CDC42BPA: variants seen among roughly 807,000 people sequenced by gnomAD.
The protein encoded by CDC42BPA is CDC42 binding protein kinase alpha.
In CDC42BPA, 80 loss-of-function variants were observed where a neutral mutation model predicts 223.5. That is an observed-to-expected ratio of 0.36 (90% CI 0.30 to 0.43). The LOEUF (loss-of-function observed/expected upper bound fraction) is 0.43, where lower values mean the gene tolerates loss of function less well. CDC42BPA is among the 20% of genes least tolerant of loss of function. The probability of loss-of-function intolerance (pLI) is 1.00; values close to 1 mark genes in which losing one functional copy is unlikely to be tolerated. For synonymous variants in CDC42BPA, 694 were observed against 718.6 expected, an observed-to-expected ratio of 0.97 and a Z score of 0.55; for missense variants, 1,743 against 2,099.9, an observed-to-expected ratio of 0.83 and a Z score of 3.32.
At position 227,023,362 on chromosome 1, in the gene CDC42BPA, A is replaced by C. The variant is rs1304367525; in HGVS notation, c.4531-15T>G. On this transcript the variant is annotated splice_polypyrimidine_tract_variant and intron_variant, in intron 31 of 36. Coordinates refer to ENST00000366766, the MANE Select transcript of CDC42BPA (RefSeq NM_001394014.1). The stretch of plus-strand genomic sequence containing the variant: ...AAGGGTCGAACCTAAAATAAAAGAC[A>C]AAATTAGTATTTCAACAAAACCTTT... 3 of 1,365,770 alleles carry C rather than the reference A, an allele frequency of 2.2e-6. No individual in the cohort carries two copies. The highest frequency in any genetic ancestry group is 1.5e-5 in the African/African-American group (1 of 67,968). 84.6% of individuals were successfully genotyped at this position (1,365,770 alleles called of 1,614,324 possible).
intron 5 of CDC42BPA, among the ~76,000 whole-genome samples, chr1:227,186,136 G>T (rs894821062): frequency 5.3e-5 from 8 of 152,142 alleles, no homozygotes. Context: ...ATTGCTGGAG[G>T]TTCAGTGTGG....
At chr1:227,069,887 A>C in intron 20 of CDC42BPA, 34 bp from the exon 21 acceptor site, 1 of 1,445,082 alleles carries the variant, frequency 6.9e-7, no homozygotes, top group Non-Finnish European at 9.7e-7. Context: ...TTAAGGCTAC[A>C]ACAATTAAAA....
At position 227,074,909 on chromosome 1, in the gene CDC42BPA, C is replaced by G. The variant is rs536402608; in HGVS notation, c.2481-545G>C. ...ATTAAAGTCTACCAAAACCTAATTT[C>G]TACTTACTGTCTTAAGGCTATCTAG... On this transcript the variant is annotated intron_variant, in intron 17 of 36. Transcript: ENST00000366766. 2.6e-5 allele frequency among the ~76,000 whole-genome samples: 4 copies of G among 152,286 alleles called. No homozygotes were observed. The East Asian group carries it at 7.7e-4, about 29-fold the overall frequency.
intron 21 of CDC42BPA, among the ~76,000 whole-genome samples, chr1:227,068,200 T>C (rs1375303513): frequency 2.0e-5 from 3 of 151,768 alleles, no homozygotes; most frequent in Admixed American, 6.6e-5. Context: ...TGTCATACAA[T>C]AAAACCTACT....
At chr1:227,246,656 CTG>C (rs1681023471) in intron 2 of CDC42BPA, among the ~76,000 whole-genome samples, 1 of 152,156 alleles carries the variant, frequency 6.6e-6, no homozygotes, top group Non-Finnish European at 1.5e-5. Flanking sequence ...GCAAAAACCA[CTG>C]TGTTATTGGC....
At chr1:227,148,772 C>CAAAAA (rs57635319) in intron 6 of CDC42BPA, among the ~76,000 whole-genome samples, 1 of 78,784 alleles carries the variant, frequency 1.3e-5, no homozygotes, top group African/African-American at 5.6e-5. Flanking sequence ...GTCTCAAAAG[C>CAAAAA]AAAAAAAAAA....
chr1:227,244,185 C>T (rs948585849), intron 2 of CDC42BPA, among the ~76,000 whole-genome samples: 8 of 152,210 alleles, frequency 5.3e-5, no homozygotes, highest in Admixed American at 6.5e-5. Flanking sequence ...GTATCAAACA[C>T]AAATAAGTGC....
At chr1:227,294,397 G>C (rs1361173530) in intron 1 of CDC42BPA, among the ~76,000 whole-genome samples, 1 of 151,980 alleles carries the variant, frequency 6.6e-6, no homozygotes, top group Non-Finnish European at 1.5e-5. Context: ...AAGATCACAC[G>C]ATATTAATAA....
chr1:227,004,901 G>GT, intron 35 of CDC42BPA, 93 bp downstream of exon 35: 1 of 869,820 alleles, frequency 1.1e-6, no homozygotes, highest in South Asian at 1.3e-5. Context: ...ATGGGCACAC[G>GT]TAAGTGAAGG....
intron 21 of CDC42BPA, among the ~76,000 whole-genome samples, chr1:227,053,248 G>T (rs1329980364): frequency 6.6e-6 from 1 of 152,194 alleles, no homozygotes; most frequent in Non-Finnish European, 1.5e-5. Context: ...TCTGGCAAGT[G>T]TATGGGAAGA....
chr1:227,007,813 A>T (rs1014332179), intron 34 of CDC42BPA, among the ~76,000 whole-genome samples: 1 of 152,372 alleles, frequency 6.6e-6, no homozygotes, highest in East Asian at 1.9e-4. Context: ...CGTTAATAGA[A>T]ATCTATCTTA....
chr1:227,034,598 A>G lies in CDC42BPA; in HGVS notation c.3476+57T>C, dbSNP rs548922274. 73 of 1,491,066 alleles carry G rather than the reference A, an allele frequency of 4.9e-5. No individual in the cohort carries two copies. In the Admixed American group the frequency reaches 1.6e-3, roughly 32 times the overall value. 92.4% of individuals were successfully genotyped at this position (1,491,066 alleles called of 1,614,324 possible). A position where few individuals can be genotyped will look rare whatever the true frequency, so the allele number is the denominator to read the frequency against. On this transcript the variant is annotated intron_variant, in intron 26 of 36. Transcript: ENST00000366766. ...TGGCAACACAATTTTTGAAAATCAGAAACTTTAAAATTCCTATGTTGCAAT... is the reference window on the plus strand; with the variant it reads ...TGGCAACACAATTTTTGAAAATCAGGAACTTTAAAATTCCTATGTTGCAAT...
chr1:227,135,069 A>G (rs1478837983), intron 10 of CDC42BPA, among the ~76,000 whole-genome samples: 2 of 152,208 alleles, frequency 1.3e-5, no homozygotes, highest in African/African-American at 2.4e-5. Flanking sequence ...GGCTATTACA[A>G]CTGCTTCTTA....
chr1:227,097,441 G>C (rs913778245), intron 15 of CDC42BPA, among the ~76,000 whole-genome samples: 2 of 152,144 alleles, frequency 1.3e-5, no homozygotes, highest in Non-Finnish European at 2.9e-5. Context: ...TTGGTTTCCA[G>C]TGTTACAGTA....
At position 227,000,143 on chromosome 1, in the gene CDC42BPA, C is replaced by T. The variant is rs995580785; in HGVS notation, c.4975+4851G>A. 7.3e-5 allele frequency among the ~76,000 whole-genome samples: 11 copies of T among 150,672 alleles called. No homozygotes were observed. The East Asian group carries it at 2.1e-3, about 29-fold the overall frequency. On this transcript the variant is annotated intron_variant, in intron 35 of 36. Transcript: ENST00000366766. ...ATAATAATAATAATAATAAGCTCTC[C>T]TGATGATTCCAGAAGGCCCCTCGGA...
chr1:227,297,191 G>A (rs1051559980), intron 1 of CDC42BPA, among the ~76,000 whole-genome samples: 4 of 152,094 alleles, frequency 2.6e-5, no homozygotes, highest in African/African-American at 7.2e-5. Context: ...AAAGCTGCTC[G>A]TTATCAGTAA....
intron 5 of CDC42BPA, among the ~76,000 whole-genome samples, chr1:227,192,189 C>T (rs1372821707): frequency 1.3e-5 from 2 of 152,212 alleles, no homozygotes; most frequent in Non-Finnish European, 1.5e-5. Context: ...AAGACACCCA[C>T]ATCTTAAAAA....
chr1:227,055,736 T>C (rs78794064), intron 21 of CDC42BPA, among the ~76,000 whole-genome samples: 16,200 of 152,176 alleles, frequency 0.11, 1,072 homozygotes, highest in Middle Eastern at 0.17. Flanking sequence ...GTAGCAGAGA[T>C]ATTATAAATT....
Position 227,230,812 on chromosome 1 carries a change from C to CTTTTTTTTTTTTTTTTTTTTTTTTT in CDC42BPA, c.271-17594_271-17593insAAAAAAAAAAAAAAAAAAAAAAAAA, listed in dbSNP as rs1309498246. Among the ~76,000 whole-genome samples the CTTTTTTTTTTTTTTTTTTTTTTTTT allele has an allele frequency of 9.8e-5, 11 of 111,756 alleles. 2 individuals are homozygous for CTTTTTTTTTTTTTTTTTTTTTTTTT. Among genetic ancestry groups the CTTTTTTTTTTTTTTTTTTTTTTTTT allele is most frequent in the Non-Finnish European group, 1.7e-4 (9 of 53,698 alleles). The allele number at this position is 111,756 out of a possible 152,430, so 73.3% of individuals were successfully genotyped here. A position where few individuals can be genotyped will look rare whatever the true frequency, so the allele number is the denominator to read the frequency against. ...GCTAACTGATTTCTATTTCTTTTTT[C>CTTTTTTTTTTTTTTTTTTTTTTTTT]TTTCTTTCTTTTTTTTTTTTTTTTT... On this transcript the variant is annotated intron_variant, in intron 2 of 36. Coordinates refer to ENST00000366766, the MANE Select transcript of CDC42BPA (RefSeq NM_001394014.1).
Sources: allele counts gnomAD v4.1 joint callset (sites outside exome capture counted in the v4.1 genomes callset), GRCh38; gene constraint gnomAD v4.1.1; transcripts MANE v1.5; gene names NCBI Gene and HGNC (gene_info 2026-07-23, HGNC 2026-07-21).